HAPSTR1: variants seen among roughly 807,000 people sequenced by gnomAD.
HAPSTR1 encodes HUWE1-associated protein modifying stress responses 1.
chr16:9,101,472 G>T, the HAPSTR1 span, among the ~76,000 whole-genome samples: 1 of 152,146 alleles, frequency 6.6e-6, no homozygotes, highest in Admixed American at 6.6e-5. Flanking sequence ...TAGCATATCA[G>T]GTTTCCAAAT....
At chr16:9,106,102 A>T in the HAPSTR1 span, 1 of 152,192 alleles carries the variant, frequency 6.6e-6, no homozygotes, top group Admixed American at 6.5e-5. Flanking sequence ...TAATGTAAAC[A>T]GCTTTAATCA....
At chr16:9,109,223 G>A in the HAPSTR1 span, 1 of 152,080 alleles carries the variant, frequency 6.6e-6, no homozygotes, top group Non-Finnish European at 1.5e-5. Context: ...ATTCAGAGTT[G>A]CCCTGTCCAA....
chr16:9,093,145 C>T, the HAPSTR1 span: 190 of 817,034 alleles, frequency 2.3e-4, no homozygotes, highest in Admixed American at 1.4e-4. Flanking sequence ...CGGCGGTGCT[C>T]TAGCTAGATC....
the HAPSTR1 span, chr16:9,109,671 T>C: frequency 1.9e-4 from 29 of 152,344 alleles, 1 homozygote; most frequent in East Asian, 4.8e-3. Context: ...TTTTTGGCTT[T>C]AATCTTCCCA....
chr16:9,094,933 G>GTT, the HAPSTR1 span, among the ~76,000 whole-genome samples: 1 of 152,190 alleles, frequency 6.6e-6, no homozygotes, highest in Non-Finnish European at 1.5e-5. Flanking sequence ...AACTTTTCGT[G>GTT]TAAGAAGATG....
the HAPSTR1 span, chr16:9,108,004 G>C: frequency 3.3e-5 from 5 of 152,132 alleles, no homozygotes; most frequent in African/African-American, 1.2e-4. Context: ...AAAGGGTTGA[G>C]GATTACAATC....
the HAPSTR1 span, among the ~76,000 whole-genome samples, chr16:9,094,779 G>A: frequency 6.6e-6 from 1 of 152,158 alleles, no homozygotes; most frequent in Admixed American, 6.5e-5. Flanking sequence ...TGCTTGAAGG[G>A]GAAGGCAACA....
At chr16:9,103,310 G>GT in the HAPSTR1 span, 1 of 1,566,036 alleles carries the variant, frequency 6.4e-7, no homozygotes, top group East Asian at 2.3e-5. Context: ...GAGGGTGCCT[G>GT]TGGACCCATT....
chr16:9,092,091 G>C, the HAPSTR1 span: 3 of 1,545,672 alleles, frequency 1.9e-6, no homozygotes, highest in Non-Finnish European at 2.6e-6. Context: ...CAGGAGCACG[G>C]GCCCGAGCAC....
chr16:9,098,441 G>A, the HAPSTR1 span, among the ~76,000 whole-genome samples: 102,168 of 152,108 alleles, frequency 0.67, 35,635 homozygotes, highest in African/African-American at 0.87. Context: ...ATTTTTGGAT[G>A]CCACTTCCTT....
At chr16:9,118,789 T>G in the HAPSTR1 span, 1 of 152,676 alleles carries the variant, frequency 6.5e-6, no homozygotes, top group African/African-American at 2.4e-5. Flanking sequence ...AATGTGTTGC[T>G]CACAAGTGGC....
At chr16:9,108,773 T>C in the HAPSTR1 span, 1 of 152,198 alleles carries the variant, frequency 6.6e-6, no homozygotes, top group East Asian at 1.9e-4. Flanking sequence ...TTTTCCTCGG[T>C]AACCTTGGGC....
chr16:9,097,251 T>TC, the HAPSTR1 span, among the ~76,000 whole-genome samples: 136 of 151,066 alleles, frequency 9.0e-4, 1 homozygote, highest in African/African-American at 3.2e-3. Context: ...TTTTTTTTTT[T>TC]TTTTCTTTTG....
At chr16:9,114,582 G>C in the HAPSTR1 span, among the ~76,000 whole-genome samples, 9,034 of 152,172 alleles carry the variant, frequency 0.059, 874 homozygotes, top group African/African-American at 0.2. Flanking sequence ...GTTGGTAGTC[G>C]GGATACGGTC....
chr16:9,096,384 T>C, the HAPSTR1 span, among the ~76,000 whole-genome samples: 1 of 148,110 alleles, frequency 6.8e-6, no homozygotes, highest in South Asian at 2.2e-4. Context: ...GGTGTGTATT[T>C]CCTTCTTCAT....
the HAPSTR1 span, among the ~76,000 whole-genome samples, chr16:9,101,945 A>T: frequency 6.6e-6 from 1 of 151,976 alleles, no homozygotes; most frequent in Non-Finnish European, 1.5e-5. Flanking sequence ...ATATGGTGAA[A>T]CCCGGTCTCT....
chr16:9,116,328 A>T, the HAPSTR1 span, among the ~76,000 whole-genome samples: 2 of 152,182 alleles, frequency 1.3e-5, no homozygotes, highest in Non-Finnish European at 2.9e-5. Flanking sequence ...CTTTAAAGCA[A>T]ATGTCTCCTG....
chr16:9,112,891 C>T, the HAPSTR1 span: 14 of 151,980 alleles, frequency 9.2e-5, no homozygotes, highest in Non-Finnish European at 1.9e-4. Context: ...ATTAAGACTT[C>T]TCTGTCTAAT....
the HAPSTR1 span, among the ~76,000 whole-genome samples, chr16:9,092,696 G>A: frequency 6.6e-6 from 1 of 152,092 alleles, no homozygotes; most frequent in African/African-American, 2.4e-5. Context: ...CCTGATCTGT[G>A]CCCCTGAGCT....
Sources: allele counts gnomAD v4.1 joint callset (sites outside exome capture counted in the v4.1 genomes callset), GRCh38; gene constraint gnomAD v4.1.1; transcripts MANE v1.5; gene names NCBI Gene and HGNC (gene_info 2026-07-23, HGNC 2026-07-21).